ARMC2: variants seen among roughly 807,000 people sequenced by gnomAD.
ARMC2 encodes the protein armadillo repeat-containing protein 2.
In ARMC2, 67 loss-of-function variants were observed where a neutral mutation model predicts 90.3. That is an observed-to-expected ratio of 0.74 (90% CI 0.61 to 0.91). The LOEUF is 0.91. Among genes scored for constraint, ARMC2 ranks in the 40% least tolerant of loss-of-function variants. The pLI, the probability that ARMC2 is intolerant of heterozygous loss-of-function variation, is 0.00. For missense variants in ARMC2, 920 were observed against 1,030.9 expected (o/e 0.89, Z 1.47); for synonymous variants, 393 against 393.0 (o/e 1.00, Z 0.00).
chr6:109,051,559 C>T, the ARMC2 span, among the ~76,000 whole-genome samples: 162 of 152,206 alleles, frequency 1.1e-3, 2 homozygotes, highest in African/African-American at 3.5e-3. Flanking sequence ...ATGAAAAACA[C>T]TTAAAAGCTT....
intron 17 of ARMC2, among the ~76,000 whole-genome samples, chr6:108,969,116 C>G (rs6568554): frequency 0.01 from 1,574 of 152,164 alleles, 31 homozygotes; most frequent in African/African-American, 0.036. Context: ...TATGTTCATC[C>G]TAAGTTTTGT....
At chr6:109,028,898 C>T in the ARMC2 span, among the ~76,000 whole-genome samples, 5 of 152,220 alleles carry the variant, frequency 3.3e-5, no homozygotes, top group East Asian at 7.7e-4. Flanking sequence ...TACAGGATTG[C>T]GCATGGTGCA....
At chr6:109,027,643 C>T in the ARMC2 span, among the ~76,000 whole-genome samples, 2,482 of 152,182 alleles carry the variant, frequency 0.016, 34 homozygotes, top group Middle Eastern at 0.034. Context: ...TCAATTTTCA[C>T]AACTGGTGAG....
chr6:108,985,849 C>CACTT, the ARMC2 span, among the ~76,000 whole-genome samples: 1 of 152,134 alleles, frequency 6.6e-6, no homozygotes, highest in African/African-American at 2.4e-5. Context: ...ATGAGTAATG[C>CACTT]ACTTATAAGT....
At chr6:108,904,660 AG>A (rs1463179050) in intron 8 of ARMC2, among the ~76,000 whole-genome samples, 20 of 148,304 alleles carry the variant, frequency 1.3e-4, no homozygotes, top group East Asian at 7.8e-4. Flanking sequence ...AAAAAAAAAA[AG>A]AAGAAGAAGA....
chr6:109,026,654 G>A, the ARMC2 span, among the ~76,000 whole-genome samples: 6 of 152,084 alleles, frequency 3.9e-5, no homozygotes, highest in South Asian at 4.1e-4. Flanking sequence ...ACAGGCGTGC[G>A]CCACCATGCC....
At chr6:108,928,054 C>A (rs745520745) in intron 10 of ARMC2, 34 bp from the exon 11 acceptor site, 60 of 1,564,576 alleles carry the variant, frequency 3.8e-5, no homozygotes, top group Non-Finnish European at 4.8e-5. Flanking sequence ...TTTTTCAGTT[C>A]AAAAAAAATG....
rs771137462 is a variant in ARMC2, at chr6:108,910,974, T to A, written c.1099T>A (p.Ser367Thr). The A allele has an allele frequency of 1.3e-5, 21 of 1,583,458 alleles. No individual in the cohort carries two copies. Among genetic ancestry groups the A allele is most frequent in the Non-Finnish European group, 1.8e-5 (21 of 1,164,298 alleles). ...AATTAGCAGGAATGAGAAGAATGAT[T>A]CTTTGATTCAAAATGACAGCATTCT... ...FKISRNEKNDSLIQNDSILES... is the reference protein window; with the variant it reads ...FKISRNEKNDTLIQNDSILES... Residue 367 changes from serine (S) to threonine (T), a missense_variant, in exon 9 of 18, where the codon TCT (serine) becomes ACT (threonine). Physicochemically the swap from Ser to Thr is moderately conservative, Grantham distance 58 (BLOSUM62 1). Coordinates refer to ENST00000392644, the MANE Select transcript of ARMC2 (RefSeq NM_032131.6).
At chr6:108,912,664 G>A in intron 10 of ARMC2, 106 bp downstream of exon 10, 1 of 1,044,618 alleles carries the variant, frequency 9.6e-7, no homozygotes, top group Non-Finnish European at 1.4e-6. Flanking sequence ...GCCAGGTGTG[G>A]GTGCCTGGCC....
the ARMC2 span, among the ~76,000 whole-genome samples, chr6:109,045,365 G>A: frequency 6.6e-6 from 1 of 152,166 alleles, no homozygotes; most frequent in African/African-American, 2.4e-5. Flanking sequence ...CTACACTGGA[G>A]AAGTCTTTCC....
At chr6:108,920,027 A>G (rs1226867884) in intron 10 of ARMC2, among the ~76,000 whole-genome samples, 1 of 152,176 alleles carries the variant, frequency 6.6e-6, no homozygotes, top group East Asian at 1.9e-4. Context: ...ACTATTGTAC[A>G]TTATCAATAG....
intron 8 of ARMC2, among the ~76,000 whole-genome samples, chr6:108,905,373 T>TA (rs1371080232): frequency 1.3e-5 from 2 of 152,136 alleles, no homozygotes; most frequent in Admixed American, 1.3e-4. Flanking sequence ...ACTCTCTTTT[T>TA]AAAAATTGTG....
intron 6 of ARMC2, among the ~76,000 whole-genome samples, chr6:108,898,370 G>T (rs189122621): frequency 6.6e-6 from 1 of 152,122 alleles, no homozygotes; most frequent in Non-Finnish European, 1.5e-5. Context: ...GGCATCTTCT[G>T]TGTGGACACT....
At chr6:108,988,135 A>G in the ARMC2 span, among the ~76,000 whole-genome samples, 2 of 152,098 alleles carry the variant, frequency 1.3e-5, no homozygotes, top group African/African-American at 2.4e-5. Flanking sequence ...TTTATATTTT[A>G]TCATGTTTCT....
intron 5 of ARMC2, among the ~76,000 whole-genome samples, chr6:108,878,440 G>A (rs951230328): frequency 5.3e-5 from 8 of 152,232 alleles, no homozygotes; most frequent in African/African-American, 1.9e-4. Context: ...GGCTTGTCCA[G>A]TGTGACAGCG....
Position 108,867,346 on chromosome 6 carries a change from T to A in ARMC2, c.292-1478T>A, listed in dbSNP as rs183290621. On this transcript the variant is annotated intron_variant, in intron 3 of 17. Transcript: ENST00000392644. ...CAGAACTTGGTGCAGGTGTTTTTTT[T>A]AAAGTTTTTAAGGAATTAGAATTTT... 4.1e-3 allele frequency among the ~76,000 whole-genome samples: 621 copies of A among 152,286 alleles called. 2 individuals are homozygous for A. Among genetic ancestry groups the A allele is most frequent in the African/African-American group, 0.014 (582 of 41,540 alleles).
intron 3 of ARMC2, among the ~76,000 whole-genome samples, chr6:108,865,862 A>G (rs947174957): frequency 6.6e-6 from 1 of 151,926 alleles, no homozygotes; most frequent in African/African-American, 2.4e-5. Context: ...TACAAAAAAT[A>G]AAAAATTAGC....
At chr6:108,857,497 T>G (rs1774765668) in intron 2 of ARMC2, among the ~76,000 whole-genome samples, 1 of 152,184 alleles carries the variant, frequency 6.6e-6, no homozygotes. Context: ...ATGCTTTTAA[T>G]TTCTTTTTCT....
At chr6:108,905,446 G>A (rs1272284934) in intron 8 of ARMC2, among the ~76,000 whole-genome samples, 1 of 151,874 alleles carries the variant, frequency 6.6e-6, no homozygotes, top group Non-Finnish European at 1.5e-5. Context: ...CTCTGGCGGT[G>A]CAGCAGCTGC....
Sources: allele counts gnomAD v4.1 joint callset (sites outside exome capture counted in the v4.1 genomes callset), GRCh38; gene constraint gnomAD v4.1.1; transcripts MANE v1.5; gene names NCBI Gene and HGNC (gene_info 2026-07-23, HGNC 2026-07-21).